METTL8: variants seen among roughly 807,000 people sequenced by gnomAD.
METTL8 encodes the protein methyltransferase 8, tRNA N3-cytidine.
METTL8 carries 32 observed loss-of-function variants against 48.7 expected under a neutral mutation model. That is an observed-to-expected ratio of 0.66 (90% CI 0.50 to 0.88). The LOEUF is 0.88. METTL8 is among the 40% of genes least tolerant of loss of function. The pLI, the probability that METTL8 is intolerant of heterozygous loss-of-function variation, is 0.00. For missense variants in METTL8, 464 were observed against 474.4 expected, an observed-to-expected ratio of 0.98 and a Z score of 0.20; for synonymous variants, 136 against 157.1, an observed-to-expected ratio of 0.87 and a Z score of 1.01.
chr2:171,381,922 C>T (rs1234743640), intron 2 of METTL8, among the ~76,000 whole-genome samples: 8 of 151,886 alleles, frequency 5.3e-5, no homozygotes, highest in African/African-American at 1.7e-4. Flanking sequence ...GCTGGGACTA[C>T]AGGCACGCAT....
In METTL8 at chr2:171,316,009, G is replaced by A. The variant is rs1240230865; in HGVS notation, c.*8163C>T. On this transcript the variant is annotated 3_prime_UTR_variant, in exon 10 of 10. Coordinates refer to ENST00000375258, the MANE Select transcript of METTL8 (RefSeq NM_001321154.2). ...CTGGGTGTGTTGTGTAGTGTGTGAC[G>A]TAGTAGGTGAAAAACAGCAAAGAGG... Among the ~76,000 whole-genome samples the A allele has an allele frequency of 1.3e-5, 2 of 152,332 alleles. No homozygotes were observed. The highest frequency in any genetic ancestry group is 1.9e-4 in the East Asian group (1 of 5,184).
Position 171,318,186 on chromosome 2 carries a change from CTATTTA to C in METTL8, c.*5980_*5985del, listed in dbSNP as rs746816310. The C allele has an allele frequency of 2.4e-4, 36 of 152,312 alleles. No homozygotes were observed. Among genetic ancestry groups the C allele is most frequent in the East Asian group, 2.1e-3 (11 of 5,188 alleles). 9.4% of individuals were successfully genotyped at this position (152,312 alleles called of 1,614,324 possible). A position where few individuals can be genotyped will look rare whatever the true frequency, so the allele number is the denominator to read the frequency against. ...TGAAGATGCAACTGTTATTTTACTT[CTATTTA>C]TATTTATAACTACACCAAAGCCATC... On this transcript the variant is annotated 3_prime_UTR_variant, in exon 10 of 10. Coordinates refer to ENST00000375258, the MANE Select transcript of METTL8 (RefSeq NM_001321154.2).
Position 171,326,154 on chromosome 2 carries a change from G to C in METTL8, c.861-6C>G. On this transcript the variant is annotated splice_region_variant and splice_polypyrimidine_tract_variant and intron_variant, in intron 7 of 9. Coordinates refer to ENST00000375258, the MANE Select transcript of METTL8 (RefSeq NM_001321154.2). ...GGTTTACAACACCTTGCATCCTTTG[G>C]AAACAAAGTATTAAAAAGATACCCA... The C allele has an allele frequency of 6.9e-7, 1 of 1,445,682 alleles. No individual in the cohort carries two copies. Among genetic ancestry groups the C allele is most frequent in the Non-Finnish European group, 9.5e-7 (1 of 1,058,058 alleles). 89.6% of individuals were successfully genotyped at this position (1,445,682 alleles called of 1,614,324 possible).
chr2:171,384,006 T>C (rs565729902), intron 2 of METTL8, among the ~76,000 whole-genome samples: 4 of 152,338 alleles, frequency 2.6e-5, no homozygotes, highest in Admixed American at 2.6e-4. Context: ...GCAGAACTAT[T>C]CACAAGAGGC....
chr2:171,330,551 T>C lies in METTL8; in HGVS notation c.860+8A>G, dbSNP rs780136187. The C allele has an allele frequency of 1.4e-5, 22 of 1,612,066 alleles. No individual in the cohort carries two copies. The Middle Eastern group carries it at 1.5e-3, about 109-fold the overall frequency. The stretch of plus-strand genomic sequence containing the variant: ...ACACATCCACTTTGCCCTTTCGTCT[T>C]CATTTACCTGTCAGGATGAATAGAA... On this transcript the variant is annotated splice_region_variant and intron_variant, in intron 7 of 9. Transcript: ENST00000375258.
chr2:171,419,804 G>T (rs1241914534), intron 1 of METTL8, among the ~76,000 whole-genome samples: 1 of 151,920 alleles, frequency 6.6e-6, no homozygotes, highest in Non-Finnish European at 1.5e-5. Flanking sequence ...CATAACACAT[G>T]CATGGTGTCA....
intron 2 of METTL8, among the ~76,000 whole-genome samples, chr2:171,383,320 T>C (rs1687747871): frequency 1.3e-5 from 2 of 152,198 alleles, no homozygotes; most frequent in African/African-American, 4.8e-5. Flanking sequence ...ACCTTGGATC[T>C]ACAGAAAACG....
intron 1 of METTL8, among the ~76,000 whole-genome samples, chr2:171,393,589 C>T (rs1022703685): frequency 5.9e-5 from 9 of 152,128 alleles, no homozygotes; most frequent in Admixed American, 1.3e-4. Context: ...AAAAGAAGCT[C>T]TAAGGTGCTT....
rs189321237 is a variant in METTL8, at chr2:171,421,778, G to A, written c.-13+12105C>T. 5.3e-5 allele frequency among the ~76,000 whole-genome samples: 8 copies of A among 152,204 alleles called. No individual in the cohort carries two copies. The East Asian group carries it at 5.8e-4, about 11-fold the overall frequency. ...CTTTTCATATACTTGGGTTCCACAG[G>A]GTCAACTGAAAGACTTGAGGATGTG... On this transcript the variant is annotated intron_variant, in intron 1 of 9. Coordinates refer to ENST00000375258, the MANE Select transcript of METTL8 (RefSeq NM_001321154.2).
Position 171,408,613 on chromosome 2 carries a change from G to A in METTL8, c.-12-16416C>T, listed in dbSNP as rs972214988. Among the ~76,000 whole-genome samples the A allele has an allele frequency of 2.6e-5, 4 of 151,932 alleles. 1 individual carries two copies. Among genetic ancestry groups the A allele is most frequent in the Non-Finnish European group, 5.9e-5 (4 of 67,970 alleles). On this transcript the variant is annotated intron_variant, in intron 1 of 9. Coordinates refer to ENST00000375258, the MANE Select transcript of METTL8 (RefSeq NM_001321154.2). Reference sequence around the variant, plus strand: ...AGCTGCTGGGAATTCTACTCTTACTGCTCCTTAATAGCAGAAATATCCCTA... The same window carrying A: ...AGCTGCTGGGAATTCTACTCTTACTACTCCTTAATAGCAGAAATATCCCTA...
intron 1 of METTL8, among the ~76,000 whole-genome samples, chr2:171,422,725 A>T (rs1691997077): frequency 6.6e-6 from 1 of 152,232 alleles, no homozygotes; most frequent in South Asian, 2.1e-4. Flanking sequence ...GCTCAACTGT[A>T]TTTATAATAT....
At chr2:171,373,118 T>C (rs1373806376) in intron 2 of METTL8, among the ~76,000 whole-genome samples, 1 of 152,218 alleles carries the variant, frequency 6.6e-6, no homozygotes, top group Non-Finnish European at 1.5e-5. Flanking sequence ...AAAGTGTTCC[T>C]ATTTCTCCAC....
intron 7 of METTL8, among the ~76,000 whole-genome samples, chr2:171,329,536 G>A (rs1309016261): frequency 6.6e-6 from 1 of 152,148 alleles, no homozygotes; most frequent in Non-Finnish European, 1.5e-5. Context: ...TTAGCAGAAA[G>A]AAATAGGTTA....
chr2:171,375,347 T>A (rs1471013062), intron 2 of METTL8: 8 of 665,990 alleles, frequency 1.2e-5, no homozygotes, highest in Admixed American at 7.1e-5. Context: ...GTTAGCATAG[T>A]GGTGAGTAAA....
chr2:171,369,239 G>A (rs955429659), intron 2 of METTL8, among the ~76,000 whole-genome samples: 1 of 152,188 alleles, frequency 6.6e-6, no homozygotes, highest in Admixed American at 6.5e-5. Context: ...CCGGCAGGCG[G>A]GGCTTGCAGT....
At chr2:171,426,042 A>G (rs1692384094) in intron 1 of METTL8, among the ~76,000 whole-genome samples, 1 of 152,176 alleles carries the variant, frequency 6.6e-6, no homozygotes, top group African/African-American at 2.4e-5. Context: ...CTGTAATCCC[A>G]GCTACACAGG....
At chr2:171,351,637 G>A (rs1347519845) in intron 3 of METTL8, among the ~76,000 whole-genome samples, 1 of 152,012 alleles carries the variant, frequency 6.6e-6, no homozygotes, top group Non-Finnish European at 1.5e-5. Context: ...CTTTTATTTT[G>A]TTGAGCAGTG....
chr2:171,360,111 T>C (rs186623887), intron 3 of METTL8, among the ~76,000 whole-genome samples: 4 of 152,342 alleles, frequency 2.6e-5, no homozygotes, highest in Admixed American at 2.0e-4. Context: ...GTGAAATGCA[T>C]AATAGCAAAG....
At chr2:171,337,796 G>GAA (rs201300277) in intron 4 of METTL8, among the ~76,000 whole-genome samples, 1 of 130,790 alleles carries the variant, frequency 7.6e-6, no homozygotes. Flanking sequence ...GGCTCATTAG[G>GAA]AAAAAAAAAA....
Sources: allele counts gnomAD v4.1 joint callset (sites outside exome capture counted in the v4.1 genomes callset), GRCh38; gene constraint gnomAD v4.1.1; transcripts MANE v1.5; gene names NCBI Gene and HGNC (gene_info 2026-07-23, HGNC 2026-07-21).